Variants in RNF180 observed in about 807,000 individuals in gnomAD.
The protein encoded by RNF180 is ring finger protein 180, also known as E3 ubiquitin-protein ligase RNF180.
Under a neutral mutation model 59.2 loss-of-function variants are expected in RNF180, and 38 were observed. That is an observed-to-expected ratio of 0.64 (90% CI 0.50 to 0.84). RNF180 has a LOEUF of 0.84. RNF180 is among the 40% of genes least tolerant of loss of function. The pLI is 0.00. For missense variants in RNF180, 705 were observed against 700.9 expected, an observed-to-expected ratio of 1.01 and a Z score of -0.07; for synonymous variants, 262 against 240.3, an observed-to-expected ratio of 1.09 and a Z score of -0.84.
At chr5:64,281,469 T>C (rs1238531571) in intron 5 of RNF180, among the ~76,000 whole-genome samples, 1 of 152,192 alleles carries the variant, frequency 6.6e-6, no homozygotes, top group African/African-American at 2.4e-5. Flanking sequence ...TTTTGAGGTA[T>C]GTTCCTTCAG....
intron 5 of RNF180, among the ~76,000 whole-genome samples, chr5:64,275,895 C>T (rs1741686354): frequency 6.6e-6 from 1 of 152,030 alleles, no homozygotes; most frequent in South Asian, 2.1e-4. Context: ...ATTCTGAGAC[C>T]TTGCTTTCTC....
chr5:64,218,045 G>A (rs1422339134), intron 5 of RNF180, among the ~76,000 whole-genome samples: 1 of 151,998 alleles, frequency 6.6e-6, no homozygotes, highest in Non-Finnish European at 1.5e-5. Context: ...TATGTGATTT[G>A]TAAATATTTT....
chr5:64,356,642 A>G (rs1580304614), intron 7 of RNF180, among the ~76,000 whole-genome samples: 1 of 151,946 alleles, frequency 6.6e-6, no homozygotes, highest in East Asian at 1.9e-4. Context: ...TGGTATATAC[A>G]TACAATAGGT....
chr5:64,268,902 T>C lies in RNF180; in HGVS notation c.1227+51506T>C, dbSNP rs113031977. ...CACAAGAGCCCTTCTCTGAAACCTA[T>C]ATTGATTCATAGCACAGCATAAAAA... On this transcript the variant is annotated intron_variant, in intron 5 of 7. Coordinates refer to ENST00000389100, the MANE Select transcript of RNF180 (RefSeq NM_001113561.2). Among the ~76,000 whole-genome samples, 5 of 152,248 alleles carry C rather than the reference T, an allele frequency of 3.3e-5. 1 individual carries two copies. Among genetic ancestry groups the C allele is most frequent in the East Asian group, 1.9e-4 (1 of 5,164 alleles).
At chr5:64,367,347 A>T (rs149691437) in intron 7 of RNF180, among the ~76,000 whole-genome samples, 1 of 151,676 alleles carries the variant, frequency 6.6e-6, no homozygotes, top group East Asian at 1.9e-4. Flanking sequence ...GACTACAAAG[A>T]TAAACAATAA....
In RNF180 at chr5:64,185,148, T is replaced by G. The variant is rs956356102; in HGVS notation, c.1-15660T>G. Among the ~76,000 whole-genome samples, 10 of 152,336 alleles carry G rather than the reference T, an allele frequency of 6.6e-5. No homozygotes were observed. The East Asian group carries it at 1.9e-3, about 29-fold the overall frequency. On this transcript the variant is annotated intron_variant, in intron 1 of 7. Transcript: ENST00000389100. ...ATCCAATCTGTCTGGAAATCATCTC[T>G]GCTTTACTTTCAGCATATATCTAGA...
At position 64,192,903 on chromosome 5, in the gene RNF180, G is replaced by GTATATATATATATATATA. The variant is rs70983610; in HGVS notation, c.1-7886_1-7869dup. On this transcript the variant is annotated intron_variant, in intron 1 of 7. Coordinates refer to ENST00000389100, the MANE Select transcript of RNF180 (RefSeq NM_001113561.2). ...TGAATGCATGCAGAAAGTGTGGCAT[G>GTATATATATATATATATA]TATATATATATATATATATATATAT... Among the ~76,000 whole-genome samples, 359 of 93,754 alleles carry GTATATATATATATATATA rather than the reference G, an allele frequency of 3.8e-3. 4 individuals are homozygous for GTATATATATATATATATA. The highest frequency in any genetic ancestry group is 5.2e-3 in the African/African-American group (125 of 24,082). The allele number at this position is 93,754 out of a possible 152,430, so 61.5% of individuals were successfully genotyped here.
intron 5 of RNF180, among the ~76,000 whole-genome samples, chr5:64,298,209 T>C (rs1335141651): frequency 6.6e-6 from 1 of 152,120 alleles, no homozygotes; most frequent in Non-Finnish European, 1.5e-5. Flanking sequence ...TTCCTTTTTA[T>C]GGCTGCATAG....
chr5:64,249,436 A>T (rs1743418290), intron 5 of RNF180, among the ~76,000 whole-genome samples: 1 of 152,148 alleles, frequency 6.6e-6, no homozygotes. Context: ...AGGAAAATAC[A>T]CTATTGTGAA....
chr5:64,285,835 C>T (rs1373685985), intron 5 of RNF180, among the ~76,000 whole-genome samples: 1 of 152,144 alleles, frequency 6.6e-6, no homozygotes, highest in African/African-American at 2.4e-5. Flanking sequence ...TGGCCCTGCT[C>T]CACTGTAGCT....
Position 64,200,788 on chromosome 5 carries a change from A to G in RNF180, c.1-20A>G, listed in dbSNP as rs1481661732. The G allele has an allele frequency of 2.5e-6, 4 of 1,603,590 alleles. No individual in the cohort carries two copies. In the African/African-American group the frequency reaches 4.0e-5, roughly 16 times the overall value. ...TATCTGACAGTTTAACATTCTAAAA[A>G]TGCACTAATGTTTCCGCAGATGAAA... On this transcript the variant is annotated intron_variant, in intron 1 of 7. Transcript: ENST00000389100.
At chr5:64,362,027 T>A (rs940021647) in intron 7 of RNF180, among the ~76,000 whole-genome samples, 1 of 151,426 alleles carries the variant, frequency 6.6e-6, no homozygotes, top group Non-Finnish European at 1.5e-5. Context: ...AAATTAGAAA[T>A]TTAAAATTAA....
chr5:64,251,964 C>G (rs755418034), intron 5 of RNF180, among the ~76,000 whole-genome samples: 1 of 152,018 alleles, frequency 6.6e-6, no homozygotes, highest in African/African-American at 2.4e-5. Flanking sequence ...TGGAAAATAT[C>G]TCATACACAT....
At chr5:64,248,328 G>A (rs1478276474) in intron 5 of RNF180, among the ~76,000 whole-genome samples, 1 of 152,114 alleles carries the variant, frequency 6.6e-6, no homozygotes. Flanking sequence ...GCAACCTACA[G>A]AATGGAAGAA....
rs183155133 is a variant in RNF180, at chr5:64,179,997, C to T, written c.-1+14044C>T. Among the ~76,000 whole-genome samples the T allele has an allele frequency of 3.1e-3, 467 of 152,264 alleles. 2 individuals are homozygous for T. The highest frequency in any genetic ancestry group is 3.8e-3 in the Non-Finnish European group (258 of 67,996). On this transcript the variant is annotated intron_variant, in intron 1 of 7. Coordinates refer to ENST00000389100, the MANE Select transcript of RNF180 (RefSeq NM_001113561.2). ...TCCTGATTTCTGGTGAGGTTGAACA[C>T]TTTTTATATAATTGTTGGCCATTTG...
intron 7 of RNF180, among the ~76,000 whole-genome samples, chr5:64,345,030 T>G (rs1012245342): frequency 1.3e-5 from 2 of 152,060 alleles, no homozygotes; most frequent in Non-Finnish European, 2.9e-5. Flanking sequence ...AGTGTTTTGT[T>G]TCTCATTTGG....
chr5:64,247,670 A>T (rs1373509334), intron 5 of RNF180, among the ~76,000 whole-genome samples: 1 of 152,200 alleles, frequency 6.6e-6, no homozygotes, highest in Non-Finnish European at 1.5e-5. Flanking sequence ...ATATCGTGAA[A>T]ATGACCATAG....
intron 5 of RNF180, among the ~76,000 whole-genome samples, chr5:64,230,732 T>C (rs771473440): frequency 1.3e-5 from 2 of 152,222 alleles, no homozygotes; most frequent in Non-Finnish European, 2.9e-5. Context: ...CAGATAGTTT[T>C]GGTGGAATTC....
intron 1 of RNF180, among the ~76,000 whole-genome samples, chr5:64,182,242 T>C (rs765418872): frequency 3.9e-5 from 6 of 152,118 alleles, no homozygotes; most frequent in Admixed American, 6.6e-5. Context: ...CTGCCCGCTT[T>C]GGCCTCCCAA....
Sources: gnomAD v4.1 joint callset for allele counts (sites outside exome capture counted in the v4.1 genomes callset) on GRCh38, gnomAD v4.1.1 for gene constraint, MANE v1.5 for transcripts, NCBI Gene and HGNC (gene_info 2026-07-23, HGNC 2026-07-21) for gene names.